CEP112: variants seen among roughly 807,000 people sequenced by gnomAD.
CEP112 encodes centrosomal protein of 112 kDa.
CEP112 carries 127 observed loss-of-function variants against 153.0 expected under a neutral mutation model. The ratio of observed to expected loss-of-function variants is 0.83; its 90% CI spans 0.72 to 0.96. The LOEUF is 0.96. Among genes scored for constraint, CEP112 ranks in the 40% least tolerant of loss-of-function variants. The pLI is 0.00. For missense variants in CEP112, 1,089 were observed against 1,101.2 expected (o/e 0.99, Z 0.16); for synonymous variants, 358 against 374.4 (o/e 0.96, Z 0.51).
intron 24 of CEP112, among the ~76,000 whole-genome samples, chr17:65,678,100 A>G (rs1375047080): frequency 2.0e-5 from 3 of 152,108 alleles, no homozygotes; most frequent in Non-Finnish European, 4.4e-5. Context: ...CATGACAAGC[A>G]CAATCAGTAG....
At chr17:65,777,004 A>G (rs11870607) in intron 21 of CEP112, among the ~76,000 whole-genome samples, 80,507 of 152,036 alleles carry the variant, frequency 0.53, 23,176 homozygotes, top group Non-Finnish European at 0.66. Context: ...TTCTTCCATA[A>G]GAATAAAATT....
intron 23 of CEP112, among the ~76,000 whole-genome samples, chr17:65,695,094 C>T (rs777132769): frequency 8.5e-5 from 13 of 152,288 alleles, no homozygotes; most frequent in South Asian, 4.1e-4. Flanking sequence ...GAAGCTACAC[C>T]GCTCCTGACT....
chr17:66,060,615 A>G (rs2066886097), intron 11 of CEP112, among the ~76,000 whole-genome samples: 1 of 152,236 alleles, frequency 6.6e-6, no homozygotes, highest in Non-Finnish European at 1.5e-5. Flanking sequence ...ATTTACAGCC[A>G]GCTGATTTTT....
intron 20 of CEP112, among the ~76,000 whole-genome samples, chr17:65,863,748 T>TC (rs1555686587): frequency 9.8e-5 from 3 of 30,756 alleles, no homozygotes; most frequent in Non-Finnish European, 2.4e-4. Context: ...AGACTCTGTC[T>TC]CAAAAAAAAA....
At chr17:66,076,091 G>A (rs983600118) in intron 8 of CEP112, among the ~76,000 whole-genome samples, 1 of 152,168 alleles carries the variant, frequency 6.6e-6, no homozygotes, top group Non-Finnish European at 1.5e-5. Flanking sequence ...TTCCTGCCTG[G>A]TACCACAGGG....
chr17:66,169,489 T>G (rs1408514984), intron 4 of CEP112, among the ~76,000 whole-genome samples: 1 of 152,044 alleles, frequency 6.6e-6, no homozygotes, highest in East Asian at 1.9e-4. Flanking sequence ...TTTCACCATA[T>G]TGGCCAAGCT....
chr17:66,123,967 C>T lies in CEP112; in HGVS notation c.642+5779G>A, dbSNP rs182002658. 9.6e-4 allele frequency among the ~76,000 whole-genome samples: 146 copies of T among 152,294 alleles called. 1 individual carries two copies. The highest frequency in any genetic ancestry group is 3.3e-3 in the African/African-American group (137 of 41,564). ...TTGTTCATTTGTCTCAGTGGACAGT[C>T]AACTGCATTCAGATCAGTCTGCGAA... On this transcript the variant is annotated intron_variant, in intron 6 of 26. Transcript: ENST00000535342.
intron 23 of CEP112, among the ~76,000 whole-genome samples, chr17:65,717,957 AT>A (rs1406536793): frequency 6.6e-6 from 1 of 151,664 alleles, no homozygotes; most frequent in African/African-American, 2.4e-5. Flanking sequence ...AATCCTGTAC[AT>A]TTTTTTTCTG....
intron 24 of CEP112, among the ~76,000 whole-genome samples, chr17:65,671,906 A>G (rs1219096741): frequency 6.6e-6 from 1 of 152,220 alleles, no homozygotes; most frequent in Non-Finnish European, 1.5e-5. Flanking sequence ...GACACATACT[A>G]TCACTGGTAC....
chr17:66,051,405 T>C (rs2066436187), intron 12 of CEP112, among the ~76,000 whole-genome samples: 1 of 148,944 alleles, frequency 6.7e-6, no homozygotes, highest in Non-Finnish European at 1.5e-5. Context: ...TATGTATATA[T>C]TATATACTTA....
chr17:65,698,072 T>C (rs2048442977), intron 23 of CEP112, among the ~76,000 whole-genome samples: 1 of 152,188 alleles, frequency 6.6e-6, no homozygotes, highest in African/African-American at 2.4e-5. Flanking sequence ...ACTTATTTTT[T>C]TTTCTTAAAA....
At chr17:66,143,965 C>T (rs1333282723) in intron 4 of CEP112, among the ~76,000 whole-genome samples, 1 of 152,148 alleles carries the variant, frequency 6.6e-6, no homozygotes, top group African/African-American at 2.4e-5. Context: ...TGCAGTTCTC[C>T]GGTCCCTCTC....
intron 12 of CEP112, among the ~76,000 whole-genome samples, chr17:66,032,325 A>G (rs4790918): frequency 0.93 from 140,149 of 151,210 alleles, 65,173 homozygotes; most frequent in East Asian, 0.97. Flanking sequence ...CTTAGCATTC[A>G]CAGGGCAGGA....
At chr17:65,820,553 C>T (rs2056479589) in intron 21 of CEP112, among the ~76,000 whole-genome samples, 1 of 152,076 alleles carries the variant, frequency 6.6e-6, no homozygotes, top group Non-Finnish European at 1.5e-5. Flanking sequence ...TTTGTAAGTT[C>T]ACATCATCCA....
intron 23 of CEP112, among the ~76,000 whole-genome samples, chr17:65,693,772 T>C (rs2048232449): frequency 6.6e-6 from 1 of 152,144 alleles, no homozygotes; most frequent in Non-Finnish European, 1.5e-5. Flanking sequence ...CAAATTCGTA[T>C]GTTGAAATCT....
intron 21 of CEP112, among the ~76,000 whole-genome samples, chr17:65,751,493 T>C (rs924675455): frequency 6.6e-6 from 1 of 152,174 alleles, no homozygotes; most frequent in African/African-American, 2.4e-5. Flanking sequence ...CTAAAGAGGC[T>C]CTTTCACTCT....
intron 4 of CEP112, among the ~76,000 whole-genome samples, chr17:66,149,868 G>GTTTTGTTTT (rs1568549079): frequency 1.8e-4 from 14 of 79,558 alleles, no homozygotes; most frequent in South Asian, 5.1e-4. Flanking sequence ...TAAATTTAGG[G>GTTTTGTTTT]TTTTTTTTTT....
intron 2 of CEP112, among the ~76,000 whole-genome samples, chr17:66,178,391 G>C (rs1317844053): frequency 6.6e-6 from 1 of 152,082 alleles, no homozygotes; most frequent in African/African-American, 2.4e-5. Flanking sequence ...TAGATCTTTT[G>C]CCCATTTTTA....
chr17:65,732,554 C>T (rs1448929330), intron 23 of CEP112, among the ~76,000 whole-genome samples: 1 of 152,170 alleles, frequency 6.6e-6, no homozygotes. Flanking sequence ...TCCTAGATGG[C>T]ATCTTCTTCC....
Sources: gnomAD v4.1 joint callset for allele counts (sites outside exome capture counted in the v4.1 genomes callset) on GRCh38, gnomAD v4.1.1 for gene constraint, MANE v1.5 for transcripts, NCBI Gene and HGNC (gene_info 2026-07-23, HGNC 2026-07-21) for gene names.